LINGO1: variants seen among roughly 807,000 people sequenced by gnomAD.
LINGO1 encodes leucine-rich repeat and immunoglobulin-like domain-containing nogo receptor-interacting protein 1.
In LINGO1, 11 loss-of-function variants were observed where a neutral mutation model predicts 37.3. The ratio of observed to expected loss-of-function variants is 0.29; its 90% CI spans 0.19 to 0.49. The LOEUF (loss-of-function observed/expected upper bound fraction) is 0.49. Among genes scored for constraint, LINGO1 ranks in the 20% least tolerant of loss-of-function variants. The pLI, the probability that LINGO1 is intolerant of heterozygous loss-of-function variation, is 0.99. For missense variants in LINGO1, 585 were observed against 878.2 expected, an observed-to-expected ratio of 0.67 and a Z score of 4.22; for synonymous variants, 387 against 403.0, an observed-to-expected ratio of 0.96 and a Z score of 0.48.
At chr15:77,682,633 C>A (rs755549525) in intron 2 of LINGO1, among the ~76,000 whole-genome samples, 1 of 152,062 alleles carries the variant, frequency 6.6e-6, no homozygotes, top group South Asian at 2.1e-4. Flanking sequence ...CACAGTCAGC[C>A]GATTCCTGAA....
chr15:77,755,378 T>A (rs1317777494), intron 1 of LINGO1, among the ~76,000 whole-genome samples: 1 of 152,202 alleles, frequency 6.6e-6, no homozygotes, highest in Non-Finnish European at 1.5e-5. Context: ...CAGGCCCTCA[T>A]GGTAGAAATG....
intron 3 of LINGO1, among the ~76,000 whole-genome samples, chr15:77,662,654 G>A (rs2075021158): frequency 6.6e-6 from 1 of 152,116 alleles, no homozygotes; most frequent in African/African-American, 2.4e-5. Context: ...AGGCAGGCCT[G>A]CCTGCCTCTC....
At chr15:77,806,218 C>T (rs2076958452) in intron 1 of LINGO1, among the ~76,000 whole-genome samples, 2 of 152,196 alleles carry the variant, frequency 1.3e-5, no homozygotes, top group South Asian at 4.2e-4. Context: ...ATATTCCAGT[C>T]TGGCTGCCGG....
At chr15:77,767,819 C>T (rs963899129) in intron 1 of LINGO1, among the ~76,000 whole-genome samples, 3 of 152,184 alleles carry the variant, frequency 2.0e-5, no homozygotes, top group African/African-American at 7.2e-5. Context: ...AATCAGAGTA[C>T]ATTACATAGC....
intron 2 of LINGO1, among the ~76,000 whole-genome samples, chr15:77,683,913 C>T (rs1037320058): frequency 6.6e-6 from 1 of 152,138 alleles, no homozygotes; most frequent in Non-Finnish European, 1.5e-5. Flanking sequence ...TGGCGTGGCA[C>T]CCTAGGACCC....
intron 1 of LINGO1, among the ~76,000 whole-genome samples, chr15:77,755,038 G>A (rs2076406532): frequency 6.6e-6 from 1 of 152,218 alleles, no homozygotes; most frequent in African/African-American, 2.4e-5. Flanking sequence ...AGCCACGTCT[G>A]TAGGGAAGGA....
At chr15:77,703,499 T>C (rs940708298) in intron 2 of LINGO1, among the ~76,000 whole-genome samples, 2 of 152,146 alleles carry the variant, frequency 1.3e-5, no homozygotes, top group African/African-American at 4.8e-5. Flanking sequence ...TTCCCTTCTC[T>C]GAACCTCATC....
At chr15:77,762,930 C>G (rs2076491778) in intron 1 of LINGO1, among the ~76,000 whole-genome samples, 1 of 152,190 alleles carries the variant, frequency 6.6e-6, no homozygotes, top group South Asian at 2.1e-4. Context: ...CCTCTGTCAC[C>G]CCAGCACCAG....
chr15:77,626,158 G>C (rs766509450), intron 1 of LINGO1, among the ~76,000 whole-genome samples: 11 of 152,072 alleles, frequency 7.2e-5, no homozygotes, highest in Non-Finnish European at 1.5e-4. Flanking sequence ...CAGAATCTCT[G>C]GGCTAGGGCC....
intron 1 of LINGO1, among the ~76,000 whole-genome samples, chr15:77,622,887 C>T (rs754571044): frequency 6.6e-6 from 1 of 152,198 alleles, no homozygotes. Flanking sequence ...GAAGAAGCAA[C>T]GGCCTCTGGC....
chr15:77,640,734 C>G (rs1596031183), intron 3 of LINGO1, among the ~76,000 whole-genome samples: 2 of 152,278 alleles, frequency 1.3e-5, no homozygotes, highest in Admixed American at 6.5e-5. Flanking sequence ...GTGGAGCAAA[C>G]AGGAGAGGCT....
chr15:77,735,799 G>A (rs2076198350), intron 1 of LINGO1, among the ~76,000 whole-genome samples: 1 of 152,204 alleles, frequency 6.6e-6, no homozygotes, highest in African/African-American at 2.4e-5. Context: ...GTCCAGCCTG[G>A]AAAGTACAAA....
intron 3 of LINGO1, among the ~76,000 whole-genome samples, chr15:77,650,970 A>G (rs545714783): frequency 7.2e-5 from 11 of 152,202 alleles, no homozygotes; most frequent in African/African-American, 2.6e-4. Flanking sequence ...GACATTTCAG[A>G]GGCTAGGTCC....
chr15:77,750,691 C>T (rs2076362583), intron 1 of LINGO1, among the ~76,000 whole-genome samples: 1 of 152,234 alleles, frequency 6.6e-6, no homozygotes, highest in South Asian at 2.1e-4. Flanking sequence ...CACTTGACAC[C>T]CTGCACCACC....
intron 2 of LINGO1, among the ~76,000 whole-genome samples, chr15:77,679,990 C>T (rs1024802065): frequency 5.3e-5 from 8 of 152,236 alleles, no homozygotes; most frequent in African/African-American, 1.9e-4. Flanking sequence ...AGCACATTTC[C>T]TTGGCATTTC....
At chr15:77,623,854 T>C (rs1283319193) in intron 1 of LINGO1, among the ~76,000 whole-genome samples, 2 of 101,294 alleles carry the variant, frequency 2.0e-5, no homozygotes, top group Non-Finnish European at 3.4e-5. Flanking sequence ...GTGAGTGGCC[T>C]GTGTGTGTGT....
chr15:77,672,082 T>C (rs1038950249), intron 3 of LINGO1, among the ~76,000 whole-genome samples: 1 of 151,208 alleles, frequency 6.6e-6, no homozygotes. Context: ...GTCTAATAGA[T>C]GCCAGTTCCC....
At chr15:77,672,078 T>C (rs1362741503) in intron 3 of LINGO1, among the ~76,000 whole-genome samples, 2 of 151,106 alleles carry the variant, frequency 1.3e-5, no homozygotes, top group Admixed American at 1.3e-4. Context: ...AGGTGTCTAA[T>C]AGATGCCAGT....
intron 1 of LINGO1, among the ~76,000 whole-genome samples, chr15:77,760,663 C>T (rs1233276257): frequency 2.0e-5 from 3 of 152,168 alleles, no homozygotes; most frequent in Admixed American, 6.5e-5. Flanking sequence ...GTTTGAGACC[C>T]ATAGGCTAGC....
Sources: allele counts gnomAD v4.1 joint callset (sites outside exome capture counted in the v4.1 genomes callset), GRCh38; gene constraint gnomAD v4.1.1; transcripts MANE v1.5; gene names NCBI Gene and HGNC (gene_info 2026-07-23, HGNC 2026-07-21).